The following KIAA1671 variants were observed in gnomAD, a reference collection of about 807,000 sequenced individuals.
The protein encoded by KIAA1671 is KIAA1671.
A neutral mutation model predicts 131.2 loss-of-function variants in KIAA1671; 52 were observed. The ratio of observed to expected loss-of-function variants is 0.40; its 90% CI spans 0.32 to 0.50. The LOEUF (loss-of-function observed/expected upper bound fraction) is 0.50, where lower values mean the gene tolerates loss of function less well. Ranked by LOEUF, KIAA1671 falls within the 20% of genes least tolerant of loss-of-function variation. KIAA1671 has a pLI of 0.73. For synonymous variants in KIAA1671, 1,003 were observed against 961.6 expected (o/e 1.04, Z -0.80); for missense variants, 2,360 against 2,364.2 (o/e 1.00, Z 0.04).
chr22:25,042,664 G>A (rs969154454), intron 5 of KIAA1671, among the ~76,000 whole-genome samples: 2 of 151,638 alleles, frequency 1.3e-5, no homozygotes, highest in African/African-American at 4.9e-5. Context: ...TAGTAGAGAC[G>A]GGGTTTCACT....
At position 25,039,683 on chromosome 22, in the gene KIAA1671, T is replaced by C. The variant is rs1926806520; in HGVS notation, c.2553T>C (p.Ala851=). The C allele has an allele frequency of 6.6e-7, 1 of 1,521,668 alleles. No homozygotes were observed. Among genetic ancestry groups the C allele is most frequent in the African/African-American group, 1.4e-5 (1 of 72,668 alleles). 94.3% of individuals were successfully genotyped at this position (1,521,668 alleles called of 1,614,324 possible). ...HCAPGATSVR[A]IKAAIWESQH... ...CTCCCGGGGCCACCTCCGTCAGGGC[T>C]ATCAAGGCTGCCATCTGGGAAAGCC... The change falls in exon 5 of 13, where the codon GCT becomes GCC. Residue 851 remains alanine, a synonymous_variant. Transcript: ENST00000358431.
intron 11 of KIAA1671, among the ~76,000 whole-genome samples, chr22:25,188,447 G>GGTGTGTGT (rs59590267): frequency 0.015 from 2,006 of 137,954 alleles, 27 homozygotes; most frequent in South Asian, 0.019. Flanking sequence ...GAGCCAATCG[G>GGTGTGTGT]GTGTGTGTGT....
At chr22:25,151,429 CTTTTTTT>C (rs67444002) in intron 6 of KIAA1671, among the ~76,000 whole-genome samples, 3 of 104,762 alleles carry the variant, frequency 2.9e-5, no homozygotes, top group Non-Finnish European at 5.5e-5. Flanking sequence ...AACATGAACT[CTTTTTTT>C]TTTTTTTTTT....
At chr22:25,183,173 A>C (rs941545968) in intron 10 of KIAA1671, among the ~76,000 whole-genome samples, 2 of 152,260 alleles carry the variant, frequency 1.3e-5, no homozygotes, top group Non-Finnish European at 2.9e-5. Flanking sequence ...AAATGAAGGC[A>C]GACAAGCCTG....
At chr22:25,008,197 CAAAAAAAAAA>C (rs34995094) in intron 1 of KIAA1671, among the ~76,000 whole-genome samples, 1 of 72,748 alleles carries the variant, frequency 1.4e-5, no homozygotes, top group Admixed American at 1.7e-4. Flanking sequence ...GACTCCGTCG[CAAAAAAAAAA>C]AAAAAAAAAA....
rs71191010 is a variant in KIAA1671, at chr22:24,979,170, ATTTTTTTT to A, written c.-208+26415_-208+26422del. On this transcript the variant is annotated intron_variant, in intron 1 of 12. Transcript: ENST00000358431. The stretch of plus-strand genomic sequence containing the variant: ...ATCACCATGCCTGGCTAATTTTTGT[ATTTTTTTT>A]TTTTTTTTTTTTTTTTAGTAGAGAT... Among the ~76,000 whole-genome samples the A allele has an allele frequency of 2.2e-3, 181 of 81,704 alleles. 1 individual carries two copies. Among genetic ancestry groups the A allele is most frequent in the African/African-American group, 9.5e-3 (171 of 18,048 alleles). 53.6% of individuals were successfully genotyped at this position (81,704 alleles called of 152,430 possible).
chr22:25,090,412 G>T (rs1721411085), intron 6 of KIAA1671, among the ~76,000 whole-genome samples: 1 of 152,234 alleles, frequency 6.6e-6, no homozygotes, highest in African/African-American at 2.4e-5. Context: ...GGCCTCATTT[G>T]TTATCTGGGT....
chr22:25,152,501 A>G (rs1186769183), intron 6 of KIAA1671, among the ~76,000 whole-genome samples: 2 of 152,138 alleles, frequency 1.3e-5, no homozygotes, highest in African/African-American at 4.8e-5. Context: ...CTAGTTGCCT[A>G]ATTTCTCTGA....
chr22:25,185,035 C>T lies in KIAA1671; in HGVS notation c.5258C>T (p.Pro1753Leu). The T allele has an allele frequency of 1.3e-6, 2 of 1,551,624 alleles. No individual in the cohort carries two copies. Among genetic ancestry groups the T allele is most frequent in the South Asian group, 2.4e-5 (2 of 84,056 alleles). The change falls in exon 11 of 13, where the codon CCC becomes CTC. Residue 1753 changes from proline to leucine, a missense_variant. By Grantham distance (98) the Pro-to-Leu change is moderately conservative (BLOSUM62 -3). This residue lies in a region of KIAA1671 where 1,161 missense variants were observed against 1,204.7 expected (regional missense o/e 0.96). Transcript: ENST00000358431. Reference sequence around the variant, plus strand: ...CCTGGCGAGACCCCCAGCTGGGCACCCCAACCCAAGAGCCCCAAGTCCCCC... The same window carrying T: ...CCTGGCGAGACCCCCAGCTGGGCACTCCAACCCAAGAGCCCCAAGTCCCCC... ...DSPGETPSWA[P>L]QPKSPKSPFQ... is the part of the protein sequence containing the mutation.
rs1926899933 is a variant in KIAA1671, at chr22:25,041,089, A to G, written c.3959A>G (p.Lys1320Arg). 3.2e-6 allele frequency: 5 copies of G among 1,542,246 alleles called. No individual in the cohort carries two copies. Among genetic ancestry groups the G allele is most frequent in the South Asian group, 1.2e-5 (1 of 82,758 alleles). ...GGSPIPADPR[K>R]KTGFAEDDRK... ...TCTCCTATACCTGCGGATCCCAGGA[A>G]AAAAACGGGGTTTGCTGAGGATGAC... The change falls in exon 5 of 13, where the codon AAA becomes AGA. Residue 1320 changes from lysine (K) to arginine (R), a missense_variant. Lys to Arg is a conservative substitution (Grantham distance 26, BLOSUM62 2). Transcript: ENST00000358431.
intron 6 of KIAA1671, among the ~76,000 whole-genome samples, chr22:25,084,971 G>A (rs115248288): frequency 1.1e-3 from 163 of 152,322 alleles, no homozygotes; most frequent in African/African-American, 3.6e-3. Flanking sequence ...GAAGGCAAAC[G>A]CCACACTTCC....
intron 6 of KIAA1671, among the ~76,000 whole-genome samples, chr22:25,093,588 A>G (rs1193873345): frequency 6.6e-6 from 1 of 151,896 alleles, no homozygotes; most frequent in Non-Finnish European, 1.5e-5. Flanking sequence ...AAATGAGAAC[A>G]CTTGGTGGGG....
At chr22:25,089,400 G>A (rs5752056) in intron 6 of KIAA1671, among the ~76,000 whole-genome samples, 44,021 of 149,476 alleles carry the variant, frequency 0.29, 6,526 homozygotes, top group Middle Eastern at 0.34. Flanking sequence ...TCAGCCTCCC[G>A]AGTAGCTGGG....
chr22:25,008,074 T>G (rs914482980), intron 1 of KIAA1671, among the ~76,000 whole-genome samples: 1 of 151,646 alleles, frequency 6.6e-6, no homozygotes, highest in Non-Finnish European at 1.5e-5. Context: ...GGCAGGTGCC[T>G]GTAATCCCAG....
chr22:25,103,410 G>A (rs1568957173), intron 6 of KIAA1671, among the ~76,000 whole-genome samples: 1 of 152,048 alleles, frequency 6.6e-6, no homozygotes. Flanking sequence ...CCAGGCTGGA[G>A]GGCAGTCGTG....
At chr22:24,986,172 C>T (rs1414178193) in intron 1 of KIAA1671, among the ~76,000 whole-genome samples, 1 of 152,150 alleles carries the variant, frequency 6.6e-6, no homozygotes, top group East Asian at 1.9e-4. Context: ...GAGGTGCCTG[C>T]CCAAGGGATG....
intron 1 of KIAA1671, among the ~76,000 whole-genome samples, chr22:24,980,962 G>T (rs1004282368): frequency 6.6e-6 from 1 of 151,698 alleles, no homozygotes; most frequent in African/African-American, 2.4e-5. Context: ...GGCCAGGCTG[G>T]TCTCAAACTC....
chr22:25,155,760 G>C (rs1026758943), intron 6 of KIAA1671, among the ~76,000 whole-genome samples: 6 of 151,840 alleles, frequency 4.0e-5, no homozygotes, highest in Admixed American at 2.0e-4. Flanking sequence ...ATACCTATGT[G>C]TGTATTTGTA....
chr22:24,996,555 G>A (rs1417125659), intron 1 of KIAA1671, among the ~76,000 whole-genome samples: 1 of 152,056 alleles, frequency 6.6e-6, no homozygotes, highest in Non-Finnish European at 1.5e-5. Context: ...GGAATTCTGT[G>A]AAAGTGATTG....
Sources: gnomAD v4.1 joint callset for allele counts (sites outside exome capture counted in the v4.1 genomes callset) on GRCh38, gnomAD v4.1.1 for gene constraint, gnomAD v4.1.1 regional missense constraint, MANE v1.5 for transcripts, NCBI Gene and HGNC (gene_info 2026-07-23, HGNC 2026-07-21) for gene names.